WWOX: variants seen among roughly 807,000 people sequenced by gnomAD.
WWOX encodes the protein WW domain-containing oxidoreductase.
In WWOX, 69 loss-of-function variants were observed where a neutral mutation model predicts 46.2. That is an observed-to-expected ratio of 1.49 (90% CI 1.23 to 1.82). The LOEUF is 1.82. Ranked by LOEUF, WWOX falls within the 40% of genes most tolerant of loss-of-function variation. The probability of loss-of-function intolerance (pLI) is 0.00; values close to 1 mark genes in which losing one functional copy is unlikely to be tolerated. For missense variants in WWOX, 919 were observed against 542.6 expected (o/e 1.69, Z -6.89); for synonymous variants, 359 against 202.6 (o/e 1.77, Z -6.56).
At chr16:78,764,343 T>A (rs937760794) in intron 8 of WWOX, among the ~76,000 whole-genome samples, 7 of 151,568 alleles carry the variant, frequency 4.6e-5, no homozygotes, top group African/African-American at 1.7e-4. Flanking sequence ...CAAGTCCTAA[T>A]TCCCTGTGAG....
At chr16:78,387,129 A>G (rs2082076700) in intron 6 of WWOX, among the ~76,000 whole-genome samples, 181 bp downstream of exon 6, 1 of 152,232 alleles carries the variant, frequency 6.6e-6, no homozygotes, top group Non-Finnish European at 1.5e-5. Context: ...CACCTTCATT[A>G]TGAGATGTGT....
At chr16:78,982,967 G>T (rs150319162) in intron 8 of WWOX, among the ~76,000 whole-genome samples, 131 of 152,278 alleles carry the variant, frequency 8.6e-4, no homozygotes, top group African/African-American at 2.9e-3. Flanking sequence ...TGCAATGGGA[G>T]AAGCAGTCTT....
chr16:79,044,455 G>A (rs1400461709), intron 8 of WWOX, among the ~76,000 whole-genome samples: 1 of 152,132 alleles, frequency 6.6e-6, no homozygotes, highest in Non-Finnish European at 1.5e-5. Context: ...TGTTGGGGGA[G>A]CTGGTCATTT....
chr16:78,355,735 A>G (rs2081272148), intron 5 of WWOX: 4 of 719,988 alleles, frequency 5.6e-6, no homozygotes, highest in Non-Finnish European at 9.6e-6. Context: ...ATGAGGAAAC[A>G]TATGAAGAGA....
At chr16:78,194,078 C>T (rs1440102442) in intron 5 of WWOX, among the ~76,000 whole-genome samples, 1 of 151,396 alleles carries the variant, frequency 6.6e-6, no homozygotes, top group Admixed American at 6.6e-5. Context: ...CGGGGTTTCA[C>T]TGAAGTAGCC....
intron 8 of WWOX, among the ~76,000 whole-genome samples, chr16:78,724,741 C>G (rs1465611514): frequency 2.0e-5 from 3 of 152,132 alleles, no homozygotes; most frequent in African/African-American, 4.8e-5. Flanking sequence ...TATTAACCAT[C>G]TCCTGAACCC....
intron 5 of WWOX, among the ~76,000 whole-genome samples, chr16:78,277,452 C>T (rs2079598988): frequency 6.6e-6 from 1 of 151,998 alleles, no homozygotes; most frequent in African/African-American, 2.4e-5. Flanking sequence ...CCAGGGAGTT[C>T]TCAATTTGGA....
chr16:79,031,980 G>A lies in WWOX; in HGVS notation c.1057-179628G>A, dbSNP rs1242787665. ...TATATAGAAAGAGAGGGAACTGAAC[G>A]GGATGCTTTTTATTTTGGGCTGTTA... On this transcript the variant is annotated intron_variant, in intron 8 of 8. Transcript: ENST00000566780. Among the ~76,000 whole-genome samples the A allele has an allele frequency of 4.2e-5, 6 of 142,798 alleles. No individual in the cohort carries two copies. In the East Asian group the frequency reaches 8.0e-4, roughly 19 times the overall value. 93.7% of individuals were successfully genotyped at this position (142,798 alleles called of 152,430 possible).
intron 5 of WWOX, among the ~76,000 whole-genome samples, chr16:78,302,371 G>A (rs953463192): frequency 6.6e-6 from 1 of 152,062 alleles, no homozygotes; most frequent in East Asian, 1.9e-4. Context: ...ACTCCCAGAA[G>A]TTGCCTCAGC....
At chr16:79,055,774 G>A (rs2048250700) in intron 8 of WWOX, among the ~76,000 whole-genome samples, 1 of 152,166 alleles carries the variant, frequency 6.6e-6, no homozygotes, top group Admixed American at 6.6e-5. Flanking sequence ...GCAGTACAAA[G>A]TATATGTAGC....
intron 4 of WWOX, among the ~76,000 whole-genome samples, chr16:78,155,517 T>A (rs8047917): frequency 0.091 from 13,821 of 152,302 alleles, 779 homozygotes; most frequent in East Asian, 0.25. Context: ...GGCCACGTCA[T>A]TTTTCTGATT....
At chr16:78,719,669 A>G (rs1349954416) in intron 8 of WWOX, among the ~76,000 whole-genome samples, 1 of 152,164 alleles carries the variant, frequency 6.6e-6, no homozygotes, top group Non-Finnish European at 1.5e-5. Flanking sequence ...TGGTTTAGTA[A>G]TTTTCATATA....
intron 8 of WWOX, among the ~76,000 whole-genome samples, chr16:79,196,829 G>C (rs912469389): frequency 6.6e-6 from 1 of 152,134 alleles, no homozygotes; most frequent in Non-Finnish European, 1.5e-5. Context: ...CAATTCCCTG[G>C]AGAGCTAGGG....
At chr16:78,787,160 AAAAC>A (rs2050478025) in intron 8 of WWOX, among the ~76,000 whole-genome samples, 1 of 152,206 alleles carries the variant, frequency 6.6e-6, no homozygotes, top group South Asian at 2.1e-4. Flanking sequence ...AAACAAAAAT[AAAAC>A]AAACAAAACA....
At chr16:79,014,357 T>C (rs1438493005) in intron 8 of WWOX, among the ~76,000 whole-genome samples, 1 of 152,200 alleles carries the variant, frequency 6.6e-6, no homozygotes, top group Non-Finnish European at 1.5e-5. Context: ...TATTAATGTT[T>C]TCCTGTTTTC....
intron 5 of WWOX, among the ~76,000 whole-genome samples, chr16:78,183,228 T>C (rs1322984380): frequency 1.3e-5 from 2 of 152,144 alleles, no homozygotes; most frequent in African/African-American, 2.4e-5. Flanking sequence ...AATAATAATA[T>C]CTACCACCCA....
intron 8 of WWOX, among the ~76,000 whole-genome samples, chr16:79,098,482 C>T (rs1308796511): frequency 6.6e-6 from 1 of 152,236 alleles, no homozygotes. Flanking sequence ...AAAAGAAGGT[C>T]ATTGGAATCT....
At chr16:79,115,866 G>A (rs1410322427) in intron 8 of WWOX, among the ~76,000 whole-genome samples, 1 of 152,184 alleles carries the variant, frequency 6.6e-6, no homozygotes, top group South Asian at 2.1e-4. Flanking sequence ...AGAATGAAGA[G>A]TCTCTTATTT....
intron 5 of WWOX, chr16:78,179,593 T>A (rs533346247): frequency 6.6e-6 from 1 of 152,336 alleles, no homozygotes; most frequent in Non-Finnish European, 1.5e-5. Flanking sequence ...ATAATAATAA[T>A]AATAACAGTA....
Sources: gnomAD v4.1 joint callset for allele counts (sites outside exome capture counted in the v4.1 genomes callset) on GRCh38, gnomAD v4.1.1 for gene constraint, MANE v1.5 for transcripts, NCBI Gene and HGNC (gene_info 2026-07-23, HGNC 2026-07-21) for gene names.